The following FARP1 variants were observed in gnomAD, a reference collection of about 807,000 sequenced individuals.
The protein encoded by FARP1 is FERM, ARH/RhoGEF and pleckstrin domain protein 1.
Under a neutral mutation model 128.8 loss-of-function variants are expected in FARP1, and 52 were observed. The observed-to-expected ratio is 0.40, with a 90% CI of 0.32 to 0.51. The LOEUF (loss-of-function observed/expected upper bound fraction) is 0.51, where lower values mean the gene tolerates loss of function less well. Among genes scored for constraint, FARP1 ranks in the 20% least tolerant of loss-of-function variants. The pLI, the probability that FARP1 is intolerant of heterozygous loss-of-function variation, is 0.45. For missense variants in FARP1, 1,333 were observed against 1,367.9 expected, an observed-to-expected ratio of 0.97 and a Z score of 0.40; for synonymous variants, 580 against 551.8, an observed-to-expected ratio of 1.05 and a Z score of -0.72.
intron 1 of FARP1, among the ~76,000 whole-genome samples, chr13:98,180,734 G>T (rs1389698299): frequency 6.6e-6 from 1 of 152,162 alleles, no homozygotes; most frequent in Non-Finnish European, 1.5e-5. Flanking sequence ...CCTTTGTAAA[G>T]TAATGTTTAT....
At chr13:98,213,619 CAT>C (rs1880871611) in intron 2 of FARP1, among the ~76,000 whole-genome samples, 1 of 152,150 alleles carries the variant, frequency 6.6e-6, no homozygotes, top group Non-Finnish European at 1.5e-5. Flanking sequence ...GAACCACCCA[CAT>C]AGTGATGTCA....
intron 2 of FARP1, chr13:98,334,244 A>G (rs1339446949): frequency 6.6e-6 from 1 of 152,214 alleles, no homozygotes. Flanking sequence ...CCTTCTGCCC[A>G]CAGGGTAAAG....
intron 2 of FARP1, among the ~76,000 whole-genome samples, chr13:98,292,940 T>C (rs956962714): frequency 1.3e-5 from 2 of 149,826 alleles, no homozygotes; most frequent in African/African-American, 4.9e-5. Flanking sequence ...TCTAAGACAC[T>C]TACATAGAAA....
At chr13:98,158,542 A>G (rs1876649725) in intron 1 of FARP1, among the ~76,000 whole-genome samples, 2 of 152,288 alleles carry the variant, frequency 1.3e-5, no homozygotes, top group African/African-American at 4.8e-5. Context: ...AAGGTTGTCC[A>G]GGTCAGTGGG....
At chr13:98,228,978 C>T (rs939856613) in intron 2 of FARP1, among the ~76,000 whole-genome samples, 4 of 152,170 alleles carry the variant, frequency 2.6e-5, no homozygotes, top group African/African-American at 9.7e-5. Context: ...TTAACAAATA[C>T]AAGATTACAG....
intron 1 of FARP1, among the ~76,000 whole-genome samples, chr13:98,204,832 C>T (rs1200933852): frequency 6.6e-6 from 1 of 152,108 alleles, no homozygotes; most frequent in African/African-American, 2.4e-5. Context: ...TTTGCAGTCT[C>T]AGCTACTTGG....
At chr13:98,206,287 G>A (rs926053709) in intron 1 of FARP1, among the ~76,000 whole-genome samples, 1 of 151,578 alleles carries the variant, frequency 6.6e-6, no homozygotes, top group Non-Finnish European at 1.5e-5. Context: ...TATGTCTAAT[G>A]CAGTCTGTCT....
intron 1 of FARP1, 26 bp from the exon 2 acceptor site, chr13:98,213,194 T>C: frequency 6.3e-7 from 1 of 1,584,006 alleles, no homozygotes; most frequent in South Asian, 1.2e-5. Flanking sequence ...TTCTGATGTG[T>C]TTTTCTTTCT....
intron 1 of FARP1, among the ~76,000 whole-genome samples, chr13:98,148,759 G>A (rs1875757255): frequency 6.6e-6 from 1 of 152,164 alleles, no homozygotes; most frequent in African/African-American, 2.4e-5. Flanking sequence ...TTAATCAGCT[G>A]TGTTCTGGTC....
intron 2 of FARP1, among the ~76,000 whole-genome samples, chr13:98,285,848 A>G (rs1414851873): frequency 1.3e-5 from 2 of 152,142 alleles, no homozygotes; most frequent in East Asian, 1.9e-4. Context: ...AGGAGTCAGT[A>G]TTTGCCAGAA....
At chr13:98,412,087 T>A (rs1250572708) in intron 16 of FARP1, 53 bp downstream of exon 16, 1 of 1,574,836 alleles carries the variant, frequency 6.3e-7, no homozygotes, top group East Asian at 2.3e-5. Flanking sequence ...TTGCTTGTGT[T>A]ATTTTTATGT....
intron 2 of FARP1, among the ~76,000 whole-genome samples, chr13:98,214,194 C>T: frequency 6.6e-6 from 1 of 152,242 alleles, no homozygotes; most frequent in East Asian, 1.9e-4. Flanking sequence ...CCTCAGATCG[C>T]TCCTGCGGGA....
chr13:98,216,201 G>A (rs1177776731), intron 2 of FARP1, among the ~76,000 whole-genome samples: 1 of 152,190 alleles, frequency 6.6e-6, no homozygotes, highest in African/African-American at 2.4e-5. Context: ...TGGTGGAGCT[G>A]ATTCTGAGTC....
chr13:98,251,921 C>T (rs925372401), intron 2 of FARP1, among the ~76,000 whole-genome samples: 2 of 152,140 alleles, frequency 1.3e-5, no homozygotes, highest in African/African-American at 4.8e-5. Context: ...AATCTTGGCT[C>T]AATGCAGTCT....
chr13:98,248,512 T>C (rs903278650), intron 2 of FARP1, among the ~76,000 whole-genome samples: 2 of 152,198 alleles, frequency 1.3e-5, no homozygotes, highest in African/African-American at 2.4e-5. Context: ...GAAATACTTT[T>C]GGATATTAAT....
At chr13:98,182,159 T>G (rs1184880035) in intron 1 of FARP1, among the ~76,000 whole-genome samples, 1 of 152,272 alleles carries the variant, frequency 6.6e-6, no homozygotes, top group Admixed American at 6.5e-5. Flanking sequence ...TTTTACAGTG[T>G]GAAGGATTGT....
intron 19 of FARP1, 150 bp from the exon 20 acceptor site, chr13:98,438,654 G>C: frequency 1.6e-6 from 1 of 637,460 alleles, no homozygotes; most frequent in Non-Finnish European, 2.8e-6. Context: ...AAGCCAGTAG[G>C]TTTGCACGCT....
chr13:98,153,563 T>TAG (rs1876276776), intron 1 of FARP1, among the ~76,000 whole-genome samples: 1 of 121,714 alleles, frequency 8.2e-6, no homozygotes, highest in Non-Finnish European at 1.8e-5. Context: ...TATATTTATA[T>TAG]ATATTATATA....
At chr13:98,185,058 A>G (rs1345782280) in intron 1 of FARP1, among the ~76,000 whole-genome samples, 31 of 152,232 alleles carry the variant, frequency 2.0e-4, no homozygotes, top group Admixed American at 2.0e-3. Context: ...ATTCCTATGT[A>G]GTATTGTTAC....
Sources: gnomAD v4.1 joint callset for allele counts (sites outside exome capture counted in the v4.1 genomes callset) on GRCh38, gnomAD v4.1.1 for gene constraint, MANE v1.5 for transcripts, NCBI Gene and HGNC (gene_info 2026-07-23, HGNC 2026-07-21) for gene names.